Variants in LRRC36 observed in about 807,000 individuals in gnomAD.
LRRC36 encodes the protein leucine rich repeat containing 36, also known as leucine-rich repeat-containing protein 36.
A neutral mutation model predicts 81.1 loss-of-function variants in LRRC36; 62 were observed. The ratio of observed to expected loss-of-function variants is 0.76; its 90% CI spans 0.62 to 0.94. LRRC36 has a LOEUF of 0.94. LRRC36 is among the 40% of genes least tolerant of loss of function. The probability of loss-of-function intolerance (pLI) is 0.00; values close to 1 mark genes in which losing one functional copy is unlikely to be tolerated. For missense variants in LRRC36, 761 were observed against 881.7 expected, an observed-to-expected ratio of 0.86 and a Z score of 1.73; for synonymous variants, 334 against 348.6, an observed-to-expected ratio of 0.96 and a Z score of 0.47.
At chr16:67,357,412 G>A (rs1417682624) in intron 5 of LRRC36, among the ~76,000 whole-genome samples, 1 of 152,178 alleles carries the variant, frequency 6.6e-6, no homozygotes, top group African/African-American at 2.4e-5. Flanking sequence ...CAATGGAAAA[G>A]AAATGGTTTT....
intron 13 of LRRC36, among the ~76,000 whole-genome samples, chr16:67,383,113 G>A (rs1277036938): frequency 6.8e-6 from 1 of 146,422 alleles, no homozygotes; most frequent in African/African-American, 2.5e-5. Flanking sequence ...CCAGGATACA[G>A]GCAAGGCAAA....
intron 5 of LRRC36, among the ~76,000 whole-genome samples, chr16:67,357,248 G>GA (rs992022484): frequency 6.6e-6 from 1 of 152,062 alleles, no homozygotes; most frequent in Non-Finnish European, 1.5e-5. Context: ...TTTAAAGGGG[G>GA]AAAAATACAA....
chr16:67,357,485 A>T (rs2038953182), intron 5 of LRRC36, among the ~76,000 whole-genome samples: 1 of 152,238 alleles, frequency 6.6e-6, no homozygotes, highest in South Asian at 2.1e-4. Flanking sequence ...AATCTGGGGT[A>T]CAATATGTTT....
At chr16:67,349,801 C>G (rs1413753404) in intron 4 of LRRC36, among the ~76,000 whole-genome samples, 1 of 151,810 alleles carries the variant, frequency 6.6e-6, no homozygotes. Flanking sequence ...TGCTCTGTCA[C>G]CCAAACTGGA....
intron 10 of LRRC36, 136 bp from the exon 11 acceptor site, chr16:67,376,591 T>G (rs1298566207): frequency 1.2e-6 from 1 of 837,858 alleles, no homozygotes. Flanking sequence ...CACCTCTTTC[T>G]GCCACTTACT....
Position 67,380,460 on chromosome 16 carries a change from C to A in LRRC36, c.1931-1673C>A, listed in dbSNP as rs145961221. On this transcript the variant is annotated intron_variant, in intron 12 of 13. Transcript: ENST00000329956. ...ACTTTATTATCAGCATAGTTTAGGC[C>A]AGTATGTTAGATAAAGTTTGCGCTT... Among the ~76,000 whole-genome samples the A allele has an allele frequency of 4.1e-4, 62 of 152,194 alleles. 1 individual carries two copies. In the East Asian group the frequency reaches 9.4e-3, roughly 23 times the overall value.
intron 12 of LRRC36, among the ~76,000 whole-genome samples, chr16:67,381,459 T>C (rs370953787): frequency 6.6e-6 from 1 of 152,116 alleles, no homozygotes; most frequent in Non-Finnish European, 1.5e-5. Context: ...GAGTGAAGGA[T>C]GTACAAAACA....
chr16:67,366,884 C>A (rs774592690), intron 7 of LRRC36, 133 bp from the exon 8 acceptor site: 2 of 674,044 alleles, frequency 3.0e-6, no homozygotes, highest in Non-Finnish European at 5.0e-6. Context: ...TACCATTGAT[C>A]AGAATTATAA....
chr16:67,329,152 A>C (rs1597411190), intron 1 of LRRC36, among the ~76,000 whole-genome samples: 1 of 151,988 alleles, frequency 6.6e-6, no homozygotes, highest in Non-Finnish European at 1.5e-5. Flanking sequence ...CAAGTGATCC[A>C]CCCACCTCAG....
At chr16:67,355,047 A>G (rs532147155) in intron 5 of LRRC36, among the ~76,000 whole-genome samples, 2 of 152,192 alleles carry the variant, frequency 1.3e-5, no homozygotes, top group South Asian at 2.1e-4. Context: ...TCACTTAGCA[A>G]TATACACTTA....
chr16:67,377,047 T>TC (rs1471904451), intron 11 of LRRC36, among the ~76,000 whole-genome samples, 175 bp downstream of exon 11: 1 of 152,148 alleles, frequency 6.6e-6, no homozygotes, highest in Non-Finnish European at 1.5e-5. Flanking sequence ...CAGGGATGAC[T>TC]CCCTCATCCT....
At chr16:67,341,279 C>G (rs1482370647) in intron 1 of LRRC36, among the ~76,000 whole-genome samples, 1 of 132,358 alleles carries the variant, frequency 7.6e-6, no homozygotes, top group Non-Finnish European at 1.6e-5. Context: ...TATAGCCTAT[C>G]TATAGTCTAT....
intron 4 of LRRC36, 96 bp downstream of exon 4, chr16:67,347,687 C>T: frequency 1.2e-6 from 1 of 857,440 alleles, no homozygotes; most frequent in Non-Finnish European, 1.8e-6. Flanking sequence ...GCAGAAATTT[C>T]CCACAAATTG....
At chr16:67,384,784 A>G (rs2040233724) in intron 13 of LRRC36, 86 bp from the exon 14 acceptor site, 2 of 895,880 alleles carry the variant, frequency 2.2e-6, no homozygotes. Flanking sequence ...TTCATTTCAC[A>G]TTTGCCTTTG....
In LRRC36 at chr16:67,382,129, G is replaced by A; in HGVS notation, c.1931-4G>A. On this transcript the variant is annotated splice_polypyrimidine_tract_variant and splice_region_variant and intron_variant, in intron 12 of 13. Coordinates refer to ENST00000329956, the MANE Select transcript of LRRC36 (RefSeq NM_018296.6). ...TTCACCCCTGGCTACTGTGCCCTTT[G>A]TAGATGATCTTCTGCACAAAAACCA... 1.2e-6 allele frequency: 2 copies of A among 1,600,338 alleles called. No homozygotes were observed. Among genetic ancestry groups the A allele is most frequent in the Non-Finnish European group, 1.7e-6 (2 of 1,167,482 alleles).
chr16:67,342,085 G>T lies in LRRC36; in HGVS notation c.198+1G>T. 1 of 1,598,500 alleles carries T rather than the reference G, an allele frequency of 6.3e-7. No homozygotes were observed. Among genetic ancestry groups the T allele is most frequent in the Non-Finnish European group, 8.5e-7 (1 of 1,170,128 alleles). Reference sequence around the variant, plus strand: ...AAGGAATTTGATCACTAGCCTTAAGGTAAGTTATATATTCTATGACCAGCC... The same window carrying T: ...AAGGAATTTGATCACTAGCCTTAAGTTAAGTTATATATTCTATGACCAGCC... On this transcript the variant is annotated splice_donor_variant, in intron 2 of 13. Coordinates refer to ENST00000329956, the MANE Select transcript of LRRC36 (RefSeq NM_018296.6). LOFTEE classifies it high-confidence loss of function.
At chr16:67,329,918 AAAAAT>A (rs1282775935) in intron 1 of LRRC36, among the ~76,000 whole-genome samples, 7 of 152,148 alleles carry the variant, frequency 4.6e-5, no homozygotes, top group East Asian at 1.9e-4. Context: ...TCTCCATCTA[AAAAAT>A]AAAATAAAAT....
chr16:67,383,752 C>G (rs1268540005), intron 13 of LRRC36, among the ~76,000 whole-genome samples: 2 of 152,210 alleles, frequency 1.3e-5, no homozygotes, highest in African/African-American at 4.8e-5. Context: ...AACATTTACA[C>G]AGTCCCAATG....
rs373913967 is a variant in LRRC36, at chr16:67,384,864, C to T, written c.2046-6C>T. ...TTCATGACTGCCTTTTTCCCTTGGGCCTCAGATCCCTGGTGGTAACTAATG... is the reference window on the plus strand; with the variant it reads ...TTCATGACTGCCTTTTTCCCTTGGGTCTCAGATCCCTGGTGGTAACTAATG... On this transcript the variant is annotated splice_polypyrimidine_tract_variant and splice_region_variant and intron_variant, in intron 13 of 13. Transcript: ENST00000329956. The T allele has an allele frequency of 3.1e-6, 5 of 1,610,980 alleles. No homozygotes were observed. Among genetic ancestry groups the T allele is most frequent in the Non-Finnish European group, 4.2e-6 (5 of 1,177,582 alleles).
Sources: gnomAD v4.1 joint callset for allele counts (sites outside exome capture counted in the v4.1 genomes callset) on GRCh38, gnomAD v4.1.1 for gene constraint, MANE v1.5 for transcripts, NCBI Gene and HGNC (gene_info 2026-07-23, HGNC 2026-07-21) for gene names.